The following CAPZB variants were observed in gnomAD, a reference collection of about 807,000 sequenced individuals.
CAPZB encodes the protein capping actin protein of muscle Z-line subunit beta.
Under a neutral mutation model 38.1 loss-of-function variants are expected in CAPZB, and 2 were observed. That is an observed-to-expected ratio of 0.05 (90% CI 0.02 to 0.17). The LOEUF (loss-of-function observed/expected upper bound fraction) is 0.17, where lower values mean the gene tolerates loss of function less well. Among genes scored for constraint, CAPZB ranks in the 10% least tolerant of loss-of-function variants. The probability of loss-of-function intolerance (pLI) is 1.00; values close to 1 mark genes in which losing one functional copy is unlikely to be tolerated. For missense variants in CAPZB, 161 were observed against 334.2 expected, an observed-to-expected ratio of 0.48 and a Z score of 4.04; for synonymous variants, 107 against 127.4, an observed-to-expected ratio of 0.84 and a Z score of 1.08.
intron 1 of CAPZB, among the ~76,000 whole-genome samples, chr1:19,453,754 G>A (rs2094524228): frequency 6.6e-6 from 1 of 152,190 alleles, no homozygotes; most frequent in African/African-American, 2.4e-5. Flanking sequence ...AATAGCAGGG[G>A]CTTTGTCTTG....
chr1:19,346,739 G>C (rs914592847), intron 6 of CAPZB, among the ~76,000 whole-genome samples: 1 of 151,906 alleles, frequency 6.6e-6, no homozygotes, highest in Non-Finnish European at 1.5e-5. Flanking sequence ...TAAACGACCA[G>C]GCTTCCAGGG....
At chr1:19,371,087 G>T (rs1002320853) in intron 4 of CAPZB, among the ~76,000 whole-genome samples, 1 of 152,086 alleles carries the variant, frequency 6.6e-6, no homozygotes, top group African/African-American at 2.4e-5. Flanking sequence ...CACTGCAGAC[G>T]GGCACTACCA....
intron 4 of CAPZB, among the ~76,000 whole-genome samples, chr1:19,366,241 G>A (rs1055263057): frequency 1.4e-5 from 2 of 147,766 alleles, no homozygotes; most frequent in African/African-American, 5.2e-5. Context: ...GACTCCAGGA[G>A]TTCAAGACCA....
intron 4 of CAPZB, among the ~76,000 whole-genome samples, chr1:19,360,244 G>T (rs935936175): frequency 2.0e-5 from 3 of 152,180 alleles, no homozygotes; most frequent in African/African-American, 4.8e-5. Context: ...CTTCCTGTTG[G>T]CAACAGATGG....
At chr1:19,482,757 C>T (rs1030735434) in intron 1 of CAPZB, among the ~76,000 whole-genome samples, 3 of 152,204 alleles carry the variant, frequency 2.0e-5, no homozygotes, top group Non-Finnish European at 4.4e-5. Context: ...GTATTCTCTA[C>T]CATCAAATCT....
At chr1:19,427,895 T>C (rs951857958) in intron 1 of CAPZB, among the ~76,000 whole-genome samples, 1 of 152,144 alleles carries the variant, frequency 6.6e-6, no homozygotes, top group African/African-American at 2.4e-5. Context: ...CTTTTTAAAT[T>C]GAGGTTTTTT....
chr1:19,375,112 G>A (rs762919131), intron 4 of CAPZB, among the ~76,000 whole-genome samples: 1 of 152,190 alleles, frequency 6.6e-6, no homozygotes, highest in Non-Finnish European at 1.5e-5. Context: ...CAACAGCCTC[G>A]CGGGGCACTC....
At chr1:19,399,797 G>A (rs1442912708) in intron 2 of CAPZB, among the ~76,000 whole-genome samples, 1 of 152,096 alleles carries the variant, frequency 6.6e-6, no homozygotes, top group Admixed American at 6.5e-5. Context: ...TGAGATAATC[G>A]GTAAGGTTCA....
At chr1:19,405,764 TGTCA>T (rs2094328465) in intron 2 of CAPZB, among the ~76,000 whole-genome samples, 1 of 152,226 alleles carries the variant, frequency 6.6e-6, no homozygotes, top group African/African-American at 2.4e-5. Flanking sequence ...AGGGGCCGGC[TGTCA>T]GATGATCCCT....
intron 1 of CAPZB, among the ~76,000 whole-genome samples, chr1:19,420,712 T>C (rs2094398266): frequency 6.6e-6 from 1 of 152,142 alleles, no homozygotes; most frequent in Non-Finnish European, 1.5e-5. Context: ...ATTACAAGCA[T>C]GAGCCATCGT....
intron 1 of CAPZB, among the ~76,000 whole-genome samples, chr1:19,483,174 A>G (rs1224863525): frequency 1.3e-5 from 2 of 152,130 alleles, no homozygotes. Context: ...ATGATTTCCT[A>G]TACAAAGGAT....
chr1:19,462,742 T>G (rs956344144), intron 1 of CAPZB, among the ~76,000 whole-genome samples: 1 of 152,224 alleles, frequency 6.6e-6, no homozygotes, highest in Admixed American at 6.5e-5. Context: ...AAGAATTCTT[T>G]AAAGAAAAGT....
At chr1:19,388,321 C>T (rs1278704287) in intron 2 of CAPZB, among the ~76,000 whole-genome samples, 12 of 152,134 alleles carry the variant, frequency 7.9e-5, no homozygotes, top group Non-Finnish European at 1.8e-4. Context: ...TTACTCACTG[C>T]AGGATTCTCA....
chr1:19,447,143 T>C (rs1226683344), intron 1 of CAPZB, among the ~76,000 whole-genome samples: 2 of 152,186 alleles, frequency 1.3e-5, no homozygotes, highest in Non-Finnish European at 1.5e-5. Context: ...AGCTCTCTCT[T>C]TCTTCTATCA....
chr1:19,383,006 A>G (rs2094183322), intron 3 of CAPZB, among the ~76,000 whole-genome samples: 1 of 151,172 alleles, frequency 6.6e-6, no homozygotes, highest in Non-Finnish European at 1.5e-5. Context: ...TGGCTGGGCA[A>G]TGTGGCTCAC....
chr1:19,388,739 G>C (rs1432349853), intron 2 of CAPZB, among the ~76,000 whole-genome samples: 1 of 152,214 alleles, frequency 6.6e-6, no homozygotes, highest in African/African-American at 2.4e-5. Flanking sequence ...TCTGCTGTGA[G>C]CTGGCCACGG....
At chr1:19,364,647 T>C (rs2094073005) in intron 4 of CAPZB, among the ~76,000 whole-genome samples, 1 of 152,208 alleles carries the variant, frequency 6.6e-6, no homozygotes, top group Non-Finnish European at 1.5e-5. Flanking sequence ...AGCTTGTCAA[T>C]GTCCTTCATA....
intron 2 of CAPZB, among the ~76,000 whole-genome samples, chr1:19,386,593 G>A (rs530448091): frequency 3.4e-4 from 52 of 152,286 alleles, no homozygotes; most frequent in Non-Finnish European, 6.8e-4. Flanking sequence ...CTCAGCAGAC[G>A]GGCTGACAGC....
At chr1:19,444,269 G>C (rs778620818) in intron 1 of CAPZB, among the ~76,000 whole-genome samples, 1 of 152,058 alleles carries the variant, frequency 6.6e-6, no homozygotes, top group African/African-American at 2.4e-5. Context: ...TCTCTCCTGA[G>C]GTGTACATGG....
Sources: allele counts gnomAD v4.1 joint callset (sites outside exome capture counted in the v4.1 genomes callset), GRCh38; gene constraint gnomAD v4.1.1; transcripts MANE v1.5; gene names NCBI Gene and HGNC (gene_info 2026-07-23, HGNC 2026-07-21).